CTIF: variants seen among roughly 807,000 people sequenced by gnomAD.
The protein encoded by CTIF is CBP80/20-dependent translation initiation factor.
CTIF carries 21 observed loss-of-function variants against 66.0 expected under a neutral mutation model. That is an observed-to-expected ratio of 0.32 (90% CI 0.23 to 0.46). The LOEUF is 0.46. Ranked by LOEUF, CTIF falls within the 20% of genes least tolerant of loss-of-function variation. The pLI is 1.00. For missense variants in CTIF, 739 were observed against 812.7 expected (o/e 0.91, Z 1.10); for synonymous variants, 345 against 326.4 (o/e 1.06, Z -0.62).
In CTIF at chr18:48,651,003, G is replaced by A. The variant is rs188662287; in HGVS notation, c.253-12749G>A. Among the ~76,000 whole-genome samples the A allele has an allele frequency of 1.1e-3, 168 of 152,236 alleles. 1 individual carries two copies. The highest frequency in any genetic ancestry group is 2.3e-3 in the Admixed American group (35 of 15,286). ...GGAGCTCCTGAAGGAAGCACTAAAC[G>A]TGGAAAGGAACACCCAGTACCAGCC... On this transcript the variant is annotated intron_variant, in intron 3 of 11. Coordinates refer to ENST00000256413, the MANE Select transcript of CTIF (RefSeq NM_014772.3).
intron 7 of CTIF, among the ~76,000 whole-genome samples, chr18:48,740,846 G>A (rs540235719): frequency 6.6e-6 from 1 of 152,266 alleles, no homozygotes; most frequent in South Asian, 2.1e-4. Flanking sequence ...ATATTACAGT[G>A]TTTTATTTGT....
At chr18:48,745,547 C>G (rs544019082) in intron 7 of CTIF, among the ~76,000 whole-genome samples, 1 of 152,310 alleles carries the variant, frequency 6.6e-6, no homozygotes, top group Non-Finnish European at 1.5e-5. Context: ...TTTTCTAATT[C>G]CATCATTCCT....
intron 1 of CTIF, among the ~76,000 whole-genome samples, chr18:48,577,570 T>G (rs77917039): frequency 0.073 from 10,886 of 149,920 alleles, 605 homozygotes; most frequent in African/African-American, 0.17. Flanking sequence ...TTTTGTCTTC[T>G]TGTTTCTTTT....
chr18:48,783,090 C>T (rs1225671525), intron 9 of CTIF, among the ~76,000 whole-genome samples: 1 of 152,098 alleles, frequency 6.6e-6, no homozygotes, highest in Non-Finnish European at 1.5e-5. Flanking sequence ...GGTGTACTGT[C>T]CCTCCCTTCC....
intron 1 of CTIF, among the ~76,000 whole-genome samples, chr18:48,573,742 G>T (rs2089470708): frequency 6.6e-6 from 1 of 152,220 alleles, no homozygotes. Flanking sequence ...GGTTAGGTCA[G>T]GTCAGCGGAC....
chr18:48,588,965 C>T (rs2089832078), intron 1 of CTIF, among the ~76,000 whole-genome samples: 1 of 152,176 alleles, frequency 6.6e-6, no homozygotes, highest in Admixed American at 6.5e-5. Flanking sequence ...GTACCCGGCG[C>T]CCCTGTCTCC....
At chr18:48,727,070 G>GCACACA (rs35188197) in intron 7 of CTIF, among the ~76,000 whole-genome samples, 24,185 of 144,412 alleles carry the variant, frequency 0.17, 2,822 homozygotes, top group African/African-American at 0.34. Flanking sequence ...CAAGTTAGCT[G>GCACACA]CACACACACA....
chr18:48,564,256 G>A (rs2089230391), intron 1 of CTIF, among the ~76,000 whole-genome samples: 2 of 152,208 alleles, frequency 1.3e-5, no homozygotes, highest in Admixed American at 1.3e-4. Context: ...GTACCCAGAC[G>A]TGTTGCCTGC....
intron 9 of CTIF, among the ~76,000 whole-genome samples, chr18:48,786,343 C>T (rs1049779247): frequency 2.6e-5 from 4 of 152,182 alleles, no homozygotes; most frequent in African/African-American, 9.7e-5. Flanking sequence ...CTCTTAGTGT[C>T]TAAGCCCAGC....
intron 9 of CTIF, among the ~76,000 whole-genome samples, chr18:48,783,805 C>T (rs1247445532): frequency 2.0e-5 from 3 of 152,156 alleles, no homozygotes; most frequent in African/African-American, 7.2e-5. Context: ...AGGCTGCCTC[C>T]AGGCAAGCGC....
chr18:48,539,789 G>C (rs1177799031), intron 1 of CTIF: 1 of 152,668 alleles, frequency 6.6e-6, no homozygotes, highest in Non-Finnish European at 1.5e-5. Context: ...AGTTGGTTTA[G>C]TATCAGCCAA....
chr18:48,763,567 A>T (rs78802779), intron 9 of CTIF, among the ~76,000 whole-genome samples: 5,203 of 152,316 alleles, frequency 0.034, 103 homozygotes, highest in Non-Finnish European at 0.042. Context: ...GTTAAGAACT[A>T]CTTGTGGGAT....
At chr18:48,563,533 G>A (rs541896713) in intron 1 of CTIF, among the ~76,000 whole-genome samples, 82 of 152,194 alleles carry the variant, frequency 5.4e-4, no homozygotes, top group Admixed American at 1.5e-3. Context: ...GTGCAGTGGC[G>A]CGATCTTGAC....
At chr18:48,818,170 G>A (rs895220535) in intron 10 of CTIF, among the ~76,000 whole-genome samples, 6 of 152,260 alleles carry the variant, frequency 3.9e-5, no homozygotes, top group Non-Finnish European at 8.8e-5. Flanking sequence ...CACCCCTCTG[G>A]CTGCTGTCAG....
chr18:48,605,410 T>A (rs915332661), intron 1 of CTIF, among the ~76,000 whole-genome samples: 2 of 152,224 alleles, frequency 1.3e-5, no homozygotes, highest in African/African-American at 2.4e-5. Flanking sequence ...CTTCTCCATG[T>A]CTCAGTGTAG....
intron 9 of CTIF, among the ~76,000 whole-genome samples, chr18:48,788,655 C>T (rs1599044884): frequency 6.6e-6 from 1 of 152,258 alleles, no homozygotes; most frequent in South Asian, 2.1e-4. Context: ...ACAGTGGCAG[C>T]CTTTGAAGAT....
intron 10 of CTIF, among the ~76,000 whole-genome samples, chr18:48,852,432 T>C (rs921347234): frequency 6.6e-6 from 1 of 151,950 alleles, no homozygotes; most frequent in African/African-American, 2.4e-5. Flanking sequence ...ATGACTCAGG[T>C]AGGCTTGCTG....
chr18:48,718,857 A>G (rs1469876292), intron 7 of CTIF, among the ~76,000 whole-genome samples: 4 of 152,126 alleles, frequency 2.6e-5, no homozygotes, highest in African/African-American at 7.2e-5. Flanking sequence ...TCCAATCAAT[A>G]TCAATATCGC....
chr18:48,727,837 CTA>C (rs1302724581), intron 7 of CTIF, among the ~76,000 whole-genome samples: 1 of 152,222 alleles, frequency 6.6e-6, no homozygotes, highest in Admixed American at 6.5e-5. Context: ...CATCTTTGGA[CTA>C]TGCTTTCCTG....
Sources: allele counts gnomAD v4.1 joint callset (sites outside exome capture counted in the v4.1 genomes callset), GRCh38; gene constraint gnomAD v4.1.1; transcripts MANE v1.5; gene names NCBI Gene and HGNC (gene_info 2026-07-23, HGNC 2026-07-21).